ENTREP2: variants seen among roughly 807,000 people sequenced by gnomAD.
The protein encoded by ENTREP2 is endosomal transmembrane epsin interactor 2.
the ENTREP2 span, among the ~76,000 whole-genome samples, chr15:29,370,236 T>C: frequency 6.6e-6 from 1 of 152,156 alleles, no homozygotes; most frequent in African/African-American, 2.4e-5. Context: ...TTACACACTG[T>C]CTATAAGAGA....
the ENTREP2 span, among the ~76,000 whole-genome samples, chr15:29,302,357 C>T: frequency 6.6e-6 from 1 of 152,146 alleles, no homozygotes; most frequent in Non-Finnish European, 1.5e-5. Flanking sequence ...CATTCACTGA[C>T]TTTTTAAAAA....
chr15:29,543,673 G>T, the ENTREP2 span, among the ~76,000 whole-genome samples: 1 of 151,462 alleles, frequency 6.6e-6, no homozygotes, highest in Non-Finnish European at 1.5e-5. Context: ...TAGCTATTCA[G>T]GAGGCTGAGG....
the ENTREP2 span, among the ~76,000 whole-genome samples, chr15:29,310,237 C>A: frequency 2.6e-5 from 4 of 152,208 alleles, no homozygotes; most frequent in Admixed American, 6.5e-5. Flanking sequence ...AGAATTCGCA[C>A]TAATACCTTC....
chr15:29,673,920 T>A, the ENTREP2 span, among the ~76,000 whole-genome samples: 1 of 151,570 alleles, frequency 6.6e-6, no homozygotes, highest in Admixed American at 6.6e-5. Context: ...GAAGGTTGAG[T>A]TTGGGATGTG....
the ENTREP2 span, among the ~76,000 whole-genome samples, chr15:29,674,813 C>A: frequency 6.6e-6 from 1 of 151,950 alleles, no homozygotes; most frequent in African/African-American, 2.4e-5. Flanking sequence ...CCCTGCCGGC[C>A]TCCCTTCCTT....
At chr15:29,224,207 G>C in the ENTREP2 span, among the ~76,000 whole-genome samples, 3 of 151,942 alleles carry the variant, frequency 2.0e-5, no homozygotes, top group African/African-American at 7.3e-5. Flanking sequence ...CTCTCAAATC[G>C]GCGCGTCTGG....
chr15:29,366,287 C>G, the ENTREP2 span, among the ~76,000 whole-genome samples: 1 of 152,134 alleles, frequency 6.6e-6, no homozygotes. Flanking sequence ...ATTGGCCAGG[C>G]TGGTCTCAAA....
At chr15:29,528,858 T>C in the ENTREP2 span, among the ~76,000 whole-genome samples, 14 of 152,168 alleles carry the variant, frequency 9.2e-5, no homozygotes, top group South Asian at 2.1e-4. Flanking sequence ...AACAGTTATA[T>C]AGATTATGTT....
At chr15:29,395,762 G>T in the ENTREP2 span, among the ~76,000 whole-genome samples, 1 of 151,706 alleles carries the variant, frequency 6.6e-6, no homozygotes, top group Admixed American at 6.6e-5. Context: ...TTGAACTCTT[G>T]GGTGCCAACG....
At chr15:29,555,452 A>G in the ENTREP2 span, among the ~76,000 whole-genome samples, 1 of 152,222 alleles carries the variant, frequency 6.6e-6, no homozygotes, top group Non-Finnish European at 1.5e-5. Context: ...TTTAAATAAA[A>G]TAATTTGAAA....
chr15:29,590,600 C>T, the ENTREP2 span, among the ~76,000 whole-genome samples: 5 of 138,304 alleles, frequency 3.6e-5, no homozygotes, highest in Non-Finnish European at 1.5e-5. Context: ...AGGAGAATTG[C>T]TTGAACCCAG....
At chr15:29,347,076 G>A in the ENTREP2 span, among the ~76,000 whole-genome samples, 3 of 152,208 alleles carry the variant, frequency 2.0e-5, no homozygotes, top group Admixed American at 2.0e-4. Context: ...CATCTGAAAA[G>A]TCCCAGAGAA....
At chr15:29,416,485 C>T in the ENTREP2 span, among the ~76,000 whole-genome samples, 1 of 152,138 alleles carries the variant, frequency 6.6e-6, no homozygotes, top group Non-Finnish European at 1.5e-5. Context: ...ACACCTTATA[C>T]AAAAATTAAT....
At chr15:29,269,169 C>G in the ENTREP2 span, 1 of 1,614,184 alleles carries the variant, frequency 6.2e-7, no homozygotes, top group Non-Finnish European at 8.5e-7. Context: ...AGACGATCAT[C>G]AGGAGGCCCG....
the ENTREP2 span, among the ~76,000 whole-genome samples, chr15:29,158,001 G>A: frequency 6.6e-6 from 1 of 152,144 alleles, no homozygotes; most frequent in African/African-American, 2.4e-5. Flanking sequence ...ATAGACGTGA[G>A]CCACTGCTCC....
At chr15:29,476,604 G>A in the ENTREP2 span, among the ~76,000 whole-genome samples, 1 of 152,172 alleles carries the variant, frequency 6.6e-6, no homozygotes, top group Non-Finnish European at 1.5e-5. Context: ...CCCCACCTCT[G>A]CCCCTGACCA....
the ENTREP2 span, among the ~76,000 whole-genome samples, chr15:29,522,518 G>T: frequency 1.8e-4 from 28 of 152,146 alleles, no homozygotes; most frequent in Non-Finnish European, 2.9e-4. Context: ...AAAACAGATT[G>T]CAGCAATCTG....
the ENTREP2 span, among the ~76,000 whole-genome samples, chr15:29,431,061 C>G: frequency 6.6e-6 from 1 of 152,142 alleles, no homozygotes; most frequent in Non-Finnish European, 1.5e-5. Flanking sequence ...AGGCACACTG[C>G]GGGCCCAAAC....
the ENTREP2 span, among the ~76,000 whole-genome samples, chr15:29,138,581 A>ATGTGCATGTTATGTGTG: frequency 5.3e-5 from 8 of 151,606 alleles, no homozygotes; most frequent in Non-Finnish European, 7.4e-5. Flanking sequence ...GTGCATGTGC[A>ATGTGCATGTTATGTGTG]TGTGTCTGTG....
Sources: allele counts gnomAD v4.1 joint callset (sites outside exome capture counted in the v4.1 genomes callset), GRCh38; gene constraint gnomAD v4.1.1; transcripts MANE v1.5; gene names NCBI Gene and HGNC (gene_info 2026-07-23, HGNC 2026-07-21).